The following SLC39A11 variants were observed in gnomAD, a reference collection of about 807,000 sequenced individuals.
The protein encoded by SLC39A11 is zinc transporter ZIP11.
A neutral mutation model predicts 36.1 loss-of-function variants in SLC39A11; 33 were observed. The observed-to-expected ratio is 0.91, with a 90% CI of 0.69 to 1.22. The LOEUF is 1.22. Among genes scored for constraint, SLC39A11 ranks in the 50% most tolerant of loss-of-function variants. SLC39A11 has a pLI of 0.00. For missense variants in SLC39A11, 432 were observed against 430.3 expected, an observed-to-expected ratio of 1.00 and a Z score of -0.03; for synonymous variants, 166 against 170.3, an observed-to-expected ratio of 0.97 and a Z score of 0.20.
chr17:72,852,675 T>C (rs886174437), intron 5 of SLC39A11, among the ~76,000 whole-genome samples: 3 of 152,232 alleles, frequency 2.0e-5, no homozygotes, highest in Non-Finnish European at 4.4e-5. Context: ...TGTATGCACA[T>C]GTGTGCACTT....
chr17:72,899,870 G>A (rs1043689173), intron 5 of SLC39A11, among the ~76,000 whole-genome samples: 2 of 151,898 alleles, frequency 1.3e-5, no homozygotes, highest in Non-Finnish European at 2.9e-5. Context: ...GCTGAGGCAG[G>A]AGAATTGTGT....
chr17:72,898,804 G>A (rs551017139), intron 5 of SLC39A11, among the ~76,000 whole-genome samples: 39 of 152,260 alleles, frequency 2.6e-4, no homozygotes, highest in East Asian at 1.5e-3. Flanking sequence ...TTTCTGCAGC[G>A]GCAGAACCAG....
intron 5 of SLC39A11, among the ~76,000 whole-genome samples, chr17:72,933,075 C>T (rs990814789): frequency 6.6e-6 from 1 of 152,140 alleles, no homozygotes; most frequent in Non-Finnish European, 1.5e-5. Flanking sequence ...CATTATACTG[C>T]AAGTCTTAGC....
chr17:72,947,699 A>C (rs2147724504), intron 5 of SLC39A11, 53 bp downstream of exon 5: 2 of 1,611,638 alleles, frequency 1.2e-6, no homozygotes, highest in South Asian at 1.1e-5. Context: ...ATATTGCCTG[A>C]CTCAGCTCAG....
chr17:72,707,289 A>G (rs1598404303), intron 7 of SLC39A11, among the ~76,000 whole-genome samples: 4 of 152,038 alleles, frequency 2.6e-5, no homozygotes, highest in African/African-American at 9.7e-5. Context: ...CTGTAATCCC[A>G]GCTACTTTGG....
intron 4 of SLC39A11, among the ~76,000 whole-genome samples, chr17:72,958,574 G>A (rs547554425): frequency 3.9e-5 from 6 of 152,170 alleles, no homozygotes; most frequent in East Asian, 1.9e-4. Context: ...AAGATGGCCC[G>A]GCACAGTGGC....
intron 3 of SLC39A11, among the ~76,000 whole-genome samples, chr17:73,035,070 C>T (rs185624054): frequency 1.9e-4 from 29 of 152,322 alleles, no homozygotes; most frequent in Admixed American, 1.2e-3. Context: ...AAAGAACAAT[C>T]GGGAAATTGA....
intron 5 of SLC39A11, among the ~76,000 whole-genome samples, chr17:72,861,677 AT>A (rs2080020365): frequency 1.6e-5 from 2 of 123,306 alleles, no homozygotes; most frequent in Non-Finnish European, 3.3e-5. Flanking sequence ...ATATATATAT[AT>A]ATATATATAT....
intron 4 of SLC39A11, among the ~76,000 whole-genome samples, chr17:72,982,080 AAT>A (rs1039359233): frequency 7.6e-4 from 26 of 34,018 alleles, no homozygotes; most frequent in Admixed American, 2.2e-3. Context: ...CCATCTCTAA[AAT>A]TTTTTTTTTT....
chr17:72,773,498 C>A (rs752082814), intron 6 of SLC39A11, among the ~76,000 whole-genome samples: 54 of 152,082 alleles, frequency 3.6e-4, no homozygotes, highest in Non-Finnish European at 6.3e-4. Flanking sequence ...GTAAGAAGTG[C>A]CTTTCACCTT....
At chr17:72,760,158 C>G (rs1447990920) in intron 6 of SLC39A11, among the ~76,000 whole-genome samples, 2 of 152,164 alleles carry the variant, frequency 1.3e-5, no homozygotes, top group Non-Finnish European at 2.9e-5. Flanking sequence ...TCCCGAGTAG[C>G]TGGGATTACA....
rs114879476 is a variant in SLC39A11 at position 72,997,867 on chromosome 17, G to A, written c.306+33689C>T. Among the ~76,000 whole-genome samples, 107 of 152,212 alleles carry A rather than the reference G, an allele frequency of 7.0e-4. 1 individual carries two copies. Among genetic ancestry groups the A allele is most frequent in the Middle Eastern group, 6.8e-3 (2 of 294 alleles). On this transcript the variant is annotated intron_variant, in intron 4 of 9. Transcript: ENST00000255559. ...AGTAACTCATAATTTACTCAGTAAC[G>A]GCCCCAAGCACAAGAGTAGTGATGC...
chr17:72,689,630 A>G (rs756158634), intron 7 of SLC39A11, among the ~76,000 whole-genome samples: 7 of 152,232 alleles, frequency 4.6e-5, no homozygotes, highest in African/African-American at 7.2e-5. Flanking sequence ...TGAAGTGCTG[A>G]TCTATGCCAC....
intron 7 of SLC39A11, among the ~76,000 whole-genome samples, chr17:72,721,542 A>G (rs997753345): frequency 2.6e-5 from 4 of 152,330 alleles, no homozygotes; most frequent in Middle Eastern, 3.4e-3. Flanking sequence ...AGGACTGGGC[A>G]CACAACAAGC....
At chr17:72,818,469 A>G (rs2077658278) in intron 6 of SLC39A11, among the ~76,000 whole-genome samples, 1 of 152,222 alleles carries the variant, frequency 6.6e-6, no homozygotes, top group Admixed American at 6.5e-5. Context: ...CTCGCAGGCT[A>G]CCTCGCACCT....
intron 3 of SLC39A11, among the ~76,000 whole-genome samples, chr17:73,032,934 G>A (rs547360242): frequency 2.2e-4 from 34 of 152,266 alleles, no homozygotes; most frequent in African/African-American, 7.7e-4. Flanking sequence ...AAATAATAAG[G>A]TAATTTGCTC....
At chr17:72,972,855 C>A (rs947323526) in intron 4 of SLC39A11, among the ~76,000 whole-genome samples, 1 of 152,124 alleles carries the variant, frequency 6.6e-6, no homozygotes, top group African/African-American at 2.4e-5. Flanking sequence ...CTGCCAAGGT[C>A]AAGTTTTGGC....
intron 6 of SLC39A11, among the ~76,000 whole-genome samples, chr17:72,808,389 A>G (rs771970664): frequency 2.6e-5 from 4 of 152,224 alleles, no homozygotes; most frequent in Non-Finnish European, 5.9e-5. Flanking sequence ...CAGGCAAGGA[A>G]TTTAGTTTAT....
chr17:72,958,870 A>AC (rs559430825), intron 4 of SLC39A11, among the ~76,000 whole-genome samples: 1 of 152,006 alleles, frequency 6.6e-6, no homozygotes, highest in African/African-American at 2.4e-5. Context: ...AAAAAAGAAA[A>AC]AAAAAAAAAG....
Sources: allele counts gnomAD v4.1 joint callset (sites outside exome capture counted in the v4.1 genomes callset), GRCh38; gene constraint gnomAD v4.1.1; transcripts MANE v1.5; gene names NCBI Gene and HGNC (gene_info 2026-07-23, HGNC 2026-07-21).